Variants in CLMP observed in about 807,000 individuals in gnomAD.
CLMP encodes the protein CXADR like cell adhesion molecule, also known as CXADR-like membrane protein.
CLMP carries 27 observed loss-of-function variants against 45.2 expected under a neutral mutation model. The observed-to-expected ratio is 0.60, with a 90% CI of 0.44 to 0.82. The LOEUF (loss-of-function observed/expected upper bound fraction) is 0.82. Ranked by LOEUF, CLMP falls within the 40% of genes least tolerant of loss-of-function variation. CLMP has a pLI of 0.00. For synonymous variants in CLMP, 167 were observed against 171.4 expected, an observed-to-expected ratio of 0.97 and a Z score of 0.20; for missense variants, 403 against 448.4, an observed-to-expected ratio of 0.90 and a Z score of 0.91.
chr11:123,165,202 TC>T (rs1344271953), intron 1 of CLMP, among the ~76,000 whole-genome samples: 1 of 152,092 alleles, frequency 6.6e-6, no homozygotes, highest in Non-Finnish European at 1.5e-5. Flanking sequence ...TGACAAGGCA[TC>T]CCCCAGGAGG....
chr11:123,151,653 G>A (rs1861338775), intron 1 of CLMP, among the ~76,000 whole-genome samples: 1 of 152,196 alleles, frequency 6.6e-6, no homozygotes, highest in Admixed American at 6.5e-5. Context: ...AAAGACATGT[G>A]GGAACAGAGC....
At chr11:123,111,542 CATTT>C (rs1860638541) in intron 1 of CLMP, among the ~76,000 whole-genome samples, 1 of 152,184 alleles carries the variant, frequency 6.6e-6, no homozygotes, top group Non-Finnish European at 1.5e-5. Flanking sequence ...CCAACTACAG[CATTT>C]CTTTCCTTTC....
rs1565382651 is a variant in CLMP at position 123,102,546 on chromosome 11, T to C, written c.29-4594A>G. On this transcript the variant is annotated intron_variant, in intron 1 of 6. Coordinates refer to ENST00000448775, the MANE Select transcript of CLMP (RefSeq NM_024769.5). Reference sequence around the variant, plus strand: ...CGCCCACCTCGGCCTCCCAAAGTGATGGGATTACAGGTGACAGCCACCGTG... The same window carrying C: ...CGCCCACCTCGGCCTCCCAAAGTGACGGGATTACAGGTGACAGCCACCGTG... Among the ~76,000 whole-genome samples, 5 of 150,932 alleles carry C rather than the reference T, an allele frequency of 3.3e-5. No individual in the cohort carries two copies. The Admixed American group carries it at 3.3e-4, about 10-fold the overall frequency.
intron 5 of CLMP, among the ~76,000 whole-genome samples, chr11:123,079,865 A>G (rs1313664880): frequency 1.3e-5 from 2 of 152,250 alleles, no homozygotes; most frequent in Non-Finnish European, 2.9e-5. Context: ...AGAGATGGAA[A>G]TAATTTATCC....
intron 1 of CLMP, among the ~76,000 whole-genome samples, chr11:123,103,340 T>A (rs1295824638): frequency 6.6e-6 from 1 of 152,160 alleles, no homozygotes; most frequent in African/African-American, 2.4e-5. Flanking sequence ...ATTTAGTGCA[T>A]ACAATAGATA....
chr11:123,094,288 G>A (rs1865966037), intron 2 of CLMP, among the ~76,000 whole-genome samples: 1 of 152,146 alleles, frequency 6.6e-6, no homozygotes, highest in Non-Finnish European at 1.5e-5. Context: ...TGTAATTTTA[G>A]TAGAGGTGGG....
chr11:123,115,594 A>C (rs1177725641), intron 1 of CLMP, among the ~76,000 whole-genome samples: 1 of 152,042 alleles, frequency 6.6e-6, no homozygotes. Context: ...CAGAAAAAAA[A>C]AATCTGTGCT....
intron 1 of CLMP, among the ~76,000 whole-genome samples, chr11:123,126,420 T>C (rs1860896195): frequency 1.3e-5 from 2 of 152,196 alleles, no homozygotes; most frequent in South Asian, 4.1e-4. Context: ...TAATCAACTA[T>C]TTACCAGTCC....
intron 1 of CLMP, among the ~76,000 whole-genome samples, chr11:123,152,471 C>T (rs1012252134): frequency 6.6e-6 from 1 of 151,112 alleles, no homozygotes; most frequent in African/African-American, 2.4e-5. Flanking sequence ...TGCAGTGAGC[C>T]GAGATCGTGC....
chr11:123,119,799 G>A (rs553568935), intron 1 of CLMP, among the ~76,000 whole-genome samples: 2 of 151,990 alleles, frequency 1.3e-5, no homozygotes, highest in South Asian at 4.2e-4. Context: ...CGATTCTCCT[G>A]TCTCAGCCTC....
At chr11:123,117,658 C>T (rs1269573206) in intron 1 of CLMP, among the ~76,000 whole-genome samples, 2 of 151,846 alleles carry the variant, frequency 1.3e-5, no homozygotes, top group Non-Finnish European at 2.9e-5. Flanking sequence ...AACTCCTAAC[C>T]TCAGGTGATC....
chr11:123,184,523 G>T (rs1326700876), intron 1 of CLMP, among the ~76,000 whole-genome samples: 1 of 152,192 alleles, frequency 6.6e-6, no homozygotes, highest in Non-Finnish European at 1.5e-5. Context: ...TGGCGAGGCG[G>T]AAGCAAAAGA....
chr11:123,186,292 C>G (rs1380696266), intron 1 of CLMP, among the ~76,000 whole-genome samples: 1 of 152,170 alleles, frequency 6.6e-6, no homozygotes, highest in African/African-American at 2.4e-5. Flanking sequence ...TTAAACATTA[C>G]TTAACACTGA....
chr11:123,126,855 C>T (rs973782788), intron 1 of CLMP, among the ~76,000 whole-genome samples: 18 of 151,378 alleles, frequency 1.2e-4, no homozygotes, highest in African/African-American at 2.9e-4. Flanking sequence ...CAGGATGGCG[C>T]TACTGCACTC....
chr11:123,164,173 C>A (rs1861525037), intron 1 of CLMP, among the ~76,000 whole-genome samples: 1 of 152,068 alleles, frequency 6.6e-6, no homozygotes, highest in African/African-American at 2.4e-5. Flanking sequence ...TTATATTTAC[C>A]CCCATTCGTA....
intron 1 of CLMP, among the ~76,000 whole-genome samples, chr11:123,175,997 T>C (rs11828777): frequency 0.61 from 92,627 of 152,044 alleles, 28,657 homozygotes; most frequent in African/African-American, 0.73. Context: ...GACATTTTCA[T>C]TGCCTCACAG....
intron 2 of CLMP, among the ~76,000 whole-genome samples, chr11:123,087,131 A>C (rs1865874113): frequency 6.6e-6 from 1 of 152,138 alleles, no homozygotes; most frequent in African/African-American, 2.4e-5. Flanking sequence ...TGAGGTTGGG[A>C]GTTCAAGACC....
At chr11:123,104,128 CTTTTTTTTT>C (rs1241735527) in intron 1 of CLMP, among the ~76,000 whole-genome samples, 1 of 72,364 alleles carries the variant, frequency 1.4e-5, no homozygotes, top group Admixed American at 1.9e-4. Flanking sequence ...CCATGCCTGG[CTTTTTTTTT>C]TTTTTTTTTT....
At chr11:123,099,400 G>T (rs1297171034) in intron 1 of CLMP, among the ~76,000 whole-genome samples, 1 of 152,174 alleles carries the variant, frequency 6.6e-6, no homozygotes, top group Non-Finnish European at 1.5e-5. Flanking sequence ...TATGATCAAA[G>T]GGCTATGCAA....
Sources: gnomAD v4.1 joint callset for allele counts (sites outside exome capture counted in the v4.1 genomes callset) on GRCh38, gnomAD v4.1.1 for gene constraint, MANE v1.5 for transcripts, NCBI Gene and HGNC (gene_info 2026-07-23, HGNC 2026-07-21) for gene names.